The following KAT14 variants were observed in gnomAD, a reference collection of about 807,000 sequenced individuals.
KAT14 encodes the protein cysteine-rich protein 2-binding protein.
KAT14 carries 66 observed loss-of-function variants against 78.4 expected under a neutral mutation model. The observed-to-expected ratio is 0.84, with a 90% CI of 0.69 to 1.03. KAT14 has a LOEUF of 1.03. Ranked by LOEUF, KAT14 falls within the 50% of genes least tolerant of loss-of-function variation. The probability of loss-of-function intolerance (pLI) is 0.00; values close to 1 mark genes in which losing one functional copy is unlikely to be tolerated. For missense variants in KAT14, 870 were observed against 972.5 expected (o/e 0.89, Z 1.40); for synonymous variants, 344 against 359.4 (o/e 0.96, Z 0.48).
chr20:18,178,849 C>G (rs1397623640), intron 7 of KAT14, among the ~76,000 whole-genome samples: 2 of 152,052 alleles, frequency 1.3e-5, no homozygotes, highest in South Asian at 2.1e-4. Flanking sequence ...AGCATTAACC[C>G]GAAAGTCCAT....
chr20:18,177,882 G>T (rs2039101941), intron 7 of KAT14, among the ~76,000 whole-genome samples: 1 of 152,092 alleles, frequency 6.6e-6, no homozygotes, highest in African/African-American at 2.4e-5. Context: ...TCCAGCTCTT[G>T]GGGTTTGAAA....
chr20:18,185,998 C>T (rs2039435944), intron 10 of KAT14, among the ~76,000 whole-genome samples: 1 of 152,148 alleles, frequency 6.6e-6, no homozygotes, highest in Non-Finnish European at 1.5e-5. Context: ...CTGCCCCATC[C>T]CAACCAAGAG....
Position 18,162,751 on chromosome 20 carries a change from C to G in KAT14, c.1474C>G (p.Arg492Gly). 2.5e-6 allele frequency: 4 copies of G among 1,614,178 alleles called. No individual in the cohort carries two copies. Among genetic ancestry groups the G allele is most frequent in the Non-Finnish European group, 3.4e-6 (4 of 1,180,034 alleles). ...AMTPEARRLK[R>G]KLIVRQAKRD... Reference sequence around the variant, plus strand: ...GACTCCGGAAGCTCGGAGACTGAAACGCAAACTGATTGTCAGACAAGCGAA... The same window carrying G: ...GACTCCGGAAGCTCGGAGACTGAAAGGCAAACTGATTGTCAGACAAGCGAA... Residue 492 changes from arginine to glycine, a missense_variant, in exon 7 of 11, where the codon CGC becomes GGC. Transcript: ENST00000688188.
chr20:18,139,134 A>T (rs958135188), intron 1 of KAT14, among the ~76,000 whole-genome samples: 2 of 152,208 alleles, frequency 1.3e-5, no homozygotes, highest in Non-Finnish European at 2.9e-5. Flanking sequence ...AAATTAGAAG[A>T]GAGGAAGCAT....
Position 18,137,946 on chromosome 20 carries a change from C to G in KAT14, c.-559C>G. On this transcript the variant is annotated 5_prime_UTR_variant, in exon 1 of 11. Coordinates refer to ENST00000688188, the MANE Select transcript of KAT14 (RefSeq NM_001392073.1). ...GGCGGGAGAGAGAGGCCGCGGCCGC[C>G]AGCGTGGGGATGTCTAGGAGCTCGA... 1 of 1,480,118 alleles carries G rather than the reference C, an allele frequency of 6.8e-7. No individual in the cohort carries two copies. 91.7% of individuals were successfully genotyped at this position (1,480,118 alleles called of 1,614,324 possible). A position where few individuals can be genotyped will look rare whatever the true frequency, so the allele number is the denominator to read the frequency against.
At chr20:18,186,147 T>C (rs2039442675) in intron 10 of KAT14, among the ~76,000 whole-genome samples, 1 of 152,104 alleles carries the variant, frequency 6.6e-6, no homozygotes, top group Non-Finnish European at 1.5e-5. Flanking sequence ...GTGCCCAACA[T>C]GAGGGCTGGT....
intron 7 of KAT14, among the ~76,000 whole-genome samples, chr20:18,181,144 TAA>T (rs934081759): frequency 1.3e-5 from 2 of 152,110 alleles, no homozygotes; most frequent in Admixed American, 1.3e-4. Flanking sequence ...TCTAATGAGT[TAA>T]AAAAAATTTT....
rs181923463 is a variant in KAT14, at chr20:18,151,324, G to A, written c.500+382G>A. The stretch of plus-strand genomic sequence containing the variant: ...CGATTCTCCTGCCTTAGCCTCCTGA[G>A]TAGCTGGGATTACAGGCACCTGCCA... On this transcript the variant is annotated intron_variant, in intron 4 of 10. Coordinates refer to ENST00000688188, the MANE Select transcript of KAT14 (RefSeq NM_001392073.1). Among the ~76,000 whole-genome samples, 26 of 152,184 alleles carry A rather than the reference G, an allele frequency of 1.7e-4. No homozygotes were observed. The East Asian group carries it at 4.1e-3, about 24-fold the overall frequency.
In KAT14 at chr20:18,184,695, A is replaced by G; in HGVS notation, c.2075A>G (p.Asp692Gly). ...ATTGCCTTTGGCTTCATGGTTCCTG[A>G]TGTGAAATACAATGAAGCTTACATT... ...VIIAFGFMVP[D>G]VKYNEAYISF... The change falls in exon 10 of 11, where the codon GAT (aspartate) becomes GGT (glycine). Residue 692 changes from aspartate to glycine, a missense_variant. Transcript: ENST00000688188. 2 of 1,613,828 alleles carry G rather than the reference A, an allele frequency of 1.2e-6. No homozygotes were observed. Among genetic ancestry groups the G allele is most frequent in the Non-Finnish European group, 1.7e-6 (2 of 1,179,940 alleles).
rs2037618167 is a variant in KAT14, at chr20:18,142,304, C to T, written c.-357C>T. ...AGAACAGATTATTTTGACTGAGCAA[C>T]TTGAAGCAGAAAGAGAGAAGATGTT... is the stretch of plus-strand genomic sequence containing the variant. On this transcript the variant is annotated 5_prime_UTR_variant, in exon 2 of 11. Transcript: ENST00000688188. 6.5e-7 allele frequency: 1 copy of T among 1,536,926 alleles called. No homozygotes were observed.
At position 18,142,253 on chromosome 20, in the gene KAT14, A is replaced by AAAAAAG; in HGVS notation, c.-403_-398dup. ...CAGAGACATTGAGAGGCAAATTCGGAAAAAAGAAAACATTCGTCTTTTGGG... is the reference window on the plus strand; with the variant it reads ...CAGAGACATTGAGAGGCAAATTCGGAAAAAAGAAAAAGAAAACATTCGTCTTTTGGG... On this transcript the variant is annotated 5_prime_UTR_variant, in exon 2 of 11. Coordinates refer to ENST00000688188, the MANE Select transcript of KAT14 (RefSeq NM_001392073.1). 1 of 1,537,188 alleles carries AAAAAAG rather than the reference A, an allele frequency of 6.5e-7. No homozygotes were observed. Among genetic ancestry groups the AAAAAAG allele is most frequent in the Admixed American group, 2.0e-5 (1 of 50,978 alleles).
At chr20:18,151,621 C>T (rs1404324529) in intron 4 of KAT14, among the ~76,000 whole-genome samples, 2 of 152,018 alleles carry the variant, frequency 1.3e-5, no homozygotes, top group Admixed American at 1.3e-4. Context: ...AATCACCGTT[C>T]CTTACCTTGT....
intron 1 of KAT14, chr20:18,138,516 A>G (rs2037390514): frequency 2.1e-6 from 2 of 943,854 alleles, no homozygotes; most frequent in Non-Finnish European, 2.5e-6. Context: ...TTGGGGTTAA[A>G]GCCTAATGTG....
intron 7 of KAT14, among the ~76,000 whole-genome samples, chr20:18,167,994 C>T (rs1431411239): frequency 1.3e-5 from 2 of 151,892 alleles, no homozygotes; most frequent in Admixed American, 1.3e-4. Context: ...CCTATTGTTT[C>T]TTTCTAGATT....
chr20:18,138,535 G>C, intron 1 of KAT14: 1 of 866,928 alleles, frequency 1.2e-6, no homozygotes, highest in South Asian at 5.3e-5. Context: ...TGTTTTACGT[G>C]CTATTGATTT....
chr20:18,166,705 TG>T (rs1193572742), intron 7 of KAT14, among the ~76,000 whole-genome samples: 12 of 152,248 alleles, frequency 7.9e-5, no homozygotes, highest in Admixed American at 7.9e-4. Flanking sequence ...TGCCCTCCTC[TG>T]TATTTGATCT....
At chr20:18,162,322 G>A (rs1334629119) in intron 6 of KAT14, 55 bp from the exon 7 acceptor site, 1 of 1,603,282 alleles carries the variant, frequency 6.2e-7, no homozygotes, top group Non-Finnish European at 8.5e-7. Context: ...TGGGCTGTGT[G>A]CTCTGCATTT....
In KAT14 at chr20:18,138,176, C is replaced by T. The variant is rs1415378849; in HGVS notation, c.-454+125C>T. The stretch of plus-strand genomic sequence containing the variant: ...GTCTTTCCCCCGCGGTGGCGCGGCC[C>T]TGCACCCCACGCGTTTGCGGCTGCG... On this transcript the variant is annotated intron_variant, in intron 1 of 10. Coordinates refer to ENST00000688188, the MANE Select transcript of KAT14 (RefSeq NM_001392073.1). The T allele has an allele frequency of 1.5e-5, 19 of 1,298,436 alleles. No individual in the cohort carries two copies. In the South Asian group the frequency reaches 2.5e-4, roughly 17 times the overall value. 80.4% of individuals were successfully genotyped at this position (1,298,436 alleles called of 1,614,324 possible).
intron 8 of KAT14, among the ~76,000 whole-genome samples, 163 bp downstream of exon 8, chr20:18,182,009 GTTTCAACTCTACTTT>G (rs1267241480): frequency 6.6e-6 from 1 of 152,088 alleles, no homozygotes; most frequent in Non-Finnish European, 1.5e-5. Context: ...TCCTTTGCTT[GTTTCAACTCTACTTT>G]TTTGCAGAGA....
Sources: allele counts gnomAD v4.1 joint callset (sites outside exome capture counted in the v4.1 genomes callset), GRCh38; gene constraint gnomAD v4.1.1; transcripts MANE v1.5; gene names NCBI Gene and HGNC (gene_info 2026-07-23, HGNC 2026-07-21).